The following ZHX3 variants were observed in gnomAD, a reference collection of about 807,000 sequenced individuals.
ZHX3 encodes zinc fingers and homeoboxes 3.
In ZHX3, 20 loss-of-function variants were observed where a neutral mutation model predicts 64.5. That is an observed-to-expected ratio of 0.31 (90% confidence interval 0.22 to 0.45). The LOEUF (loss-of-function observed/expected upper bound fraction) is 0.45. Among genes scored for constraint, ZHX3 ranks in the 20% least tolerant of loss-of-function variants. The probability of loss-of-function intolerance (pLI) is 1.00; values close to 1 mark genes in which losing one functional copy is unlikely to be tolerated. For synonymous variants in ZHX3, 423 were observed against 461.6 expected, an observed-to-expected ratio of 0.92 and a Z score of 1.07; for missense variants, 1,041 against 1,195.8, an observed-to-expected ratio of 0.87 and a Z score of 1.91.
chr20:41,240,074 G>A (rs1471702124), intron 2 of ZHX3, among the ~76,000 whole-genome samples: 2 of 152,000 alleles, frequency 1.3e-5, no homozygotes, highest in Non-Finnish European at 2.9e-5. Context: ...TTGGCTCACT[G>A]CAACCTCTGC....
Position 41,254,396 on chromosome 20 carries a change from T to C in ZHX3, c.-151+14594A>G, listed in dbSNP as rs138967331. 1.4e-4 allele frequency among the ~76,000 whole-genome samples: 22 copies of C among 152,314 alleles called. No individual in the cohort carries two copies. In the East Asian group the frequency reaches 3.9e-3, roughly 27 times the overall value. On this transcript the variant is annotated intron_variant, in intron 2 of 3. Coordinates refer to ENST00000683867, the MANE Select transcript of ZHX3 (RefSeq NM_001384317.1). ...GGATTTTTGTGAGGATTCAGTGAGA[T>C]AATAAACATGTAGCACTTAGCTCAG... is the stretch of plus-strand genomic sequence containing the variant.
At chr20:41,257,869 C>G (rs1227033567) in intron 2 of ZHX3, among the ~76,000 whole-genome samples, 4 of 145,120 alleles carry the variant, frequency 2.8e-5, no homozygotes, top group Non-Finnish European at 4.5e-5. Flanking sequence ...CCTTGGCCTC[C>G]CAAAGTGCTG....
intron 1 of ZHX3, among the ~76,000 whole-genome samples, chr20:41,273,944 C>T (rs763329047): frequency 6.6e-6 from 1 of 152,146 alleles, no homozygotes; most frequent in Non-Finnish European, 1.5e-5. Context: ...GTATTGCCAT[C>T]TTTAAGTATT....
intron 2 of ZHX3, among the ~76,000 whole-genome samples, chr20:41,253,525 T>C (rs763394296): frequency 1.3e-5 from 2 of 152,182 alleles, no homozygotes; most frequent in Non-Finnish European, 2.9e-5. Context: ...CAGGATGCCA[T>C]ATGAATATAC....
At chr20:41,238,499 A>C (rs2041160852) in intron 2 of ZHX3, among the ~76,000 whole-genome samples, 2 of 152,132 alleles carry the variant, frequency 1.3e-5, no homozygotes, top group Admixed American at 6.5e-5. Context: ...CAAGTCAAAA[A>C]TTTCTGCAAA....
chr20:41,297,113 G>A (rs976806842), intron 1 of ZHX3, among the ~76,000 whole-genome samples: 7 of 152,194 alleles, frequency 4.6e-5, no homozygotes. Flanking sequence ...ATAAAGTTCT[G>A]TCTATAGAAT....
At chr20:41,220,087 C>T (rs972027719) in intron 2 of ZHX3, among the ~76,000 whole-genome samples, 1 of 152,180 alleles carries the variant, frequency 6.6e-6, no homozygotes, top group Non-Finnish European at 1.5e-5. Context: ...AAATGATCAA[C>T]AAAGTCATCA....
intron 2 of ZHX3, among the ~76,000 whole-genome samples, chr20:41,234,538 A>T (rs1324104690): frequency 3.3e-5 from 5 of 152,250 alleles, no homozygotes; most frequent in African/African-American, 1.2e-4. Context: ...TCAAGTTAAG[A>T]GTGACCTATG....
At chr20:41,274,821 TCA>T (rs1261669987) in intron 1 of ZHX3, among the ~76,000 whole-genome samples, 1 of 152,148 alleles carries the variant, frequency 6.6e-6, no homozygotes, top group African/African-American at 2.4e-5. Context: ...TACATGAAAC[TCA>T]TAGTCCAAGG....
intron 3 of ZHX3, among the ~76,000 whole-genome samples, chr20:41,199,723 T>C (rs906425304): frequency 1.3e-5 from 2 of 148,960 alleles, no homozygotes; most frequent in African/African-American, 5.0e-5. Flanking sequence ...TTTTTTGCAA[T>C]GGAGCCTCAC....
At chr20:41,315,346 CTTTT>C (rs11471425) in intron 1 of ZHX3, among the ~76,000 whole-genome samples, 8 of 56,052 alleles carry the variant, frequency 1.4e-4, no homozygotes, top group African/African-American at 4.8e-4. Context: ...CCAGGCCTGG[CTTTT>C]TTTTTTTTTT....
chr20:41,186,875 C>T (rs530503635), intron 3 of ZHX3, among the ~76,000 whole-genome samples: 24 of 152,168 alleles, frequency 1.6e-4, no homozygotes, highest in Non-Finnish European at 3.4e-4. Flanking sequence ...ATATAAATCT[C>T]TTATCAGATG....
At chr20:41,313,603 T>TC (rs1477067525) in intron 1 of ZHX3, among the ~76,000 whole-genome samples, 3 of 142,544 alleles carry the variant, frequency 2.1e-5, no homozygotes, top group African/African-American at 7.9e-5. Flanking sequence ...CTTTTTTTTT[T>TC]TTTTTTTTTT....
chr20:41,186,454 C>T (rs533176096), intron 3 of ZHX3, among the ~76,000 whole-genome samples: 3 of 152,336 alleles, frequency 2.0e-5, no homozygotes, highest in East Asian at 3.9e-4. Context: ...ACTAAGAACA[C>T]TGATGTACAT....
Position 41,201,735 on chromosome 20 carries a change from C to G in ZHX3, c.2860+322G>C, listed in dbSNP as rs1420199024. Among the ~76,000 whole-genome samples the G allele has an allele frequency of 6.6e-6, 1 of 152,132 alleles. No homozygotes were observed. Among genetic ancestry groups the G allele is most frequent in the Non-Finnish European group, 1.5e-5 (1 of 68,014 alleles). On this transcript the variant is annotated intron_variant, in intron 3 of 3. Coordinates refer to ENST00000683867, the MANE Select transcript of ZHX3 (RefSeq NM_001384317.1). The surrounding 1 kb of genome is among the most constrained non-coding windows in gnomAD (Gnocchi z 5.0). Reference sequence around the variant, plus strand: ...CCTACCCAGTGGCTGTGGATCTGCCCGACTCAGAGGATGTTTTGACCTGTT... The same window carrying G: ...CCTACCCAGTGGCTGTGGATCTGCCGGACTCAGAGGATGTTTTGACCTGTT...
intron 2 of ZHX3, among the ~76,000 whole-genome samples, chr20:41,246,829 T>A (rs1358598139): frequency 6.6e-6 from 1 of 150,840 alleles, no homozygotes; most frequent in East Asian, 2.0e-4. Context: ...GCCGAGACTG[T>A]GCCACTGCAC....
rs2038379608 is a variant in ZHX3, at chr20:41,203,057, G to A, written c.1860C>T (p.Ala620=). The part of the protein sequence containing the change: ...DFTPTKYKER[A]PEQLRALESS... The stretch of plus-strand genomic sequence containing the variant: ...TCTCCAGGGCTCTGAGCTGCTCAGG[G>A]GCTCTCTCCTTGTATTTGGTTGGTG... Residue 620 remains alanine (A), a synonymous_variant, in exon 3 of 4, where the codon GCC becomes GCT. Coordinates refer to ENST00000683867, the MANE Select transcript of ZHX3 (RefSeq NM_001384317.1). The surrounding 1 kb of genome is among the most constrained non-coding windows in gnomAD (Gnocchi z 7.1). 1 of 1,614,140 alleles carries A rather than the reference G, an allele frequency of 6.2e-7. No individual in the cohort carries two copies. Among genetic ancestry groups the A allele is most frequent in the African/African-American group, 1.3e-5 (1 of 75,024 alleles).
At chr20:41,295,944 A>C (rs2044493842) in intron 1 of ZHX3, among the ~76,000 whole-genome samples, 1 of 152,182 alleles carries the variant, frequency 6.6e-6, no homozygotes, top group South Asian at 2.1e-4. Context: ...GTAAAAGGTG[A>C]CACACACAGT....
chr20:41,205,091 T>C (rs2038590959), intron 2 of ZHX3, 25 bp from the exon 3 acceptor site: 1 of 1,056,440 alleles, frequency 9.5e-7, no homozygotes, highest in East Asian at 2.9e-5. Flanking sequence ...AAAAAAATGA[T>C]TAAGTTCTCT....
Sources: allele counts gnomAD v4.1 joint callset (sites outside exome capture counted in the v4.1 genomes callset), GRCh38; gene constraint gnomAD v4.1.1; non-coding constraint Gnocchi (gnomAD v3.1); transcripts MANE v1.5; gene names NCBI Gene and HGNC (gene_info 2026-07-23, HGNC 2026-07-21).